Variants in MOBP observed in about 807,000 individuals in gnomAD.
MOBP encodes myelin-associated oligodendrocyte basic protein.
Under a neutral mutation model 15.0 loss-of-function variants are expected in MOBP, and 5 were observed. The ratio of observed to expected loss-of-function variants is 0.33; its 90% CI spans 0.17 to 0.70. The LOEUF is 0.70. Ranked by LOEUF, MOBP falls within the 30% of genes least tolerant of loss-of-function variation. The pLI, the probability that MOBP is intolerant of heterozygous loss-of-function variation, is 0.67. For synonymous variants in MOBP, 88 were observed against 99.0 expected, an observed-to-expected ratio of 0.89 and a Z score of 0.66; for missense variants, 188 against 257.8, an observed-to-expected ratio of 0.73 and a Z score of 1.85.
At chr3:39,513,338 C>G in intron 4 of MOBP, 1 of 1,549,902 alleles carries the variant, frequency 6.5e-7, no homozygotes, top group African/African-American at 1.4e-5. Flanking sequence ...GAGTATACAT[C>G]ACCTACCTAT....
chr3:39,492,490 T>C (rs1199341623), intron 2 of MOBP, among the ~76,000 whole-genome samples: 1 of 152,162 alleles, frequency 6.6e-6, no homozygotes, highest in Admixed American at 6.5e-5. Context: ...TTTTGGTTGC[T>C]CTCTTCTTTC....
chr3:39,515,099 C>T (rs777861868), exon 5 of MOBP: 5 of 152,278 alleles, frequency 3.3e-5, no homozygotes, highest in Non-Finnish European at 7.3e-5. Context: ...TTCTCCAAGT[C>T]CCTGAGGAGC....
In MOBP at chr3:39,480,028, C is replaced by A. The variant is rs1206893050; in HGVS notation, c.-88-12C>A. On this transcript the variant is annotated splice_polypyrimidine_tract_variant and intron_variant, in intron 1 of 3. Coordinates refer to ENST00000684792, the MANE Select transcript of MOBP (RefSeq NM_001393704.1). ...ATATTAACCAGAGCATATTCTACTG[C>A]TTCACTTTTAGGAAAAAAAAAAAAA... 1 of 131,582 alleles carries A rather than the reference C, an allele frequency of 7.6e-6. No individual in the cohort carries two copies. The highest frequency in any genetic ancestry group is 1.5e-5 in the Non-Finnish European group (1 of 65,828). The allele number at this position is 131,582 out of a possible 1,614,324, so 8.2% of individuals were successfully genotyped here.
intron 2 of MOBP, among the ~76,000 whole-genome samples, chr3:39,483,102 G>T (rs998666447): frequency 2.0e-5 from 3 of 152,178 alleles, no homozygotes; most frequent in Non-Finnish European, 4.4e-5. Flanking sequence ...CTTGTTTAAT[G>T]TGTGTCCTCC....
intron 1 of MOBP, among the ~76,000 whole-genome samples, chr3:39,479,190 A>G (rs535042109): frequency 2.0e-5 from 3 of 152,140 alleles, no homozygotes; most frequent in Non-Finnish European, 4.4e-5. Context: ...TCTGTCAAGC[A>G]GAGGGGAGAA....
intron 1 of MOBP, among the ~76,000 whole-genome samples, chr3:39,472,385 T>A (rs2042483525): frequency 6.6e-6 from 1 of 152,184 alleles, no homozygotes; most frequent in Admixed American, 6.5e-5. Context: ...TAGATTAACT[T>A]TTTTCTCCTA....
intron 2 of MOBP, among the ~76,000 whole-genome samples, chr3:39,493,332 G>T: frequency 6.6e-6 from 1 of 152,060 alleles, no homozygotes; most frequent in Middle Eastern, 3.2e-3. Flanking sequence ...AATGATTAAA[G>T]ATAGCAAATT....
intron 2 of MOBP, among the ~76,000 whole-genome samples, chr3:39,481,889 T>G (rs2042633352): frequency 6.6e-6 from 1 of 152,202 alleles, no homozygotes; most frequent in African/African-American, 2.4e-5. Context: ...TTCCCTTTGA[T>G]TCCTATGATG....
At chr3:39,480,250 G>C (rs971591705) in intron 2 of MOBP, 127 bp downstream of exon 2, 1 of 152,118 alleles carries the variant, frequency 6.6e-6, no homozygotes, top group Non-Finnish European at 1.5e-5. Context: ...TTTTCAGTAA[G>C]AGTTAAACAC....
chr3:39,508,019 A>C (rs2043068619), downstream of MOBP, among the ~76,000 whole-genome samples: 1 of 152,136 alleles, frequency 6.6e-6, no homozygotes, highest in African/African-American at 2.4e-5. Context: ...AACCCAGCTA[A>C]CTGGCTTCAC....
downstream of MOBP, among the ~76,000 whole-genome samples, chr3:39,519,420 A>C (rs2043239266): frequency 6.6e-6 from 1 of 152,038 alleles, no homozygotes; most frequent in South Asian, 2.1e-4. Flanking sequence ...AGCAGTTAAA[A>C]AATCATTTTC....
intron 1 of MOBP, among the ~76,000 whole-genome samples, chr3:39,471,503 G>A (rs1006293420): frequency 2.0e-5 from 3 of 152,180 alleles, no homozygotes; most frequent in Non-Finnish European, 4.4e-5. Flanking sequence ...AGGCACATCT[G>A]CTTTGGAGAC....
chr3:39,518,711 G>T (rs1288312707), downstream of MOBP, among the ~76,000 whole-genome samples: 2 of 152,196 alleles, frequency 1.3e-5, no homozygotes, highest in African/African-American at 4.8e-5. Flanking sequence ...ATCAAGGAGA[G>T]TTGGGCAGTC....
At chr3:39,492,238 A>G (rs1286676280) in intron 2 of MOBP, among the ~76,000 whole-genome samples, 7 of 152,198 alleles carry the variant, frequency 4.6e-5, no homozygotes, top group Admixed American at 1.3e-4. Context: ...TGTGTCATTC[A>G]TGCTAAAAGG....
At chr3:39,508,471 T>A (rs1165973243) in intron 4 of MOBP, among the ~76,000 whole-genome samples, 1 of 152,138 alleles carries the variant, frequency 6.6e-6, no homozygotes, top group East Asian at 1.9e-4. Context: ...AGATTCCATA[T>A]AAGTGGAATT....
intron 2 of MOBP, among the ~76,000 whole-genome samples, chr3:39,492,918 C>A (rs2042820832): frequency 6.6e-6 from 1 of 152,182 alleles, no homozygotes; most frequent in Non-Finnish European, 1.5e-5. Flanking sequence ...ATTCTGCTTT[C>A]AAAATATTGA....
chr3:39,485,780 C>A (rs571964678), intron 2 of MOBP, among the ~76,000 whole-genome samples: 93 of 152,296 alleles, frequency 6.1e-4, no homozygotes, highest in African/African-American at 2.2e-3. Context: ...TACCTGACGT[C>A]ATTTCCCCTG....
At chr3:39,488,055 C>G (rs1379607649) in intron 2 of MOBP, among the ~76,000 whole-genome samples, 1 of 152,034 alleles carries the variant, frequency 6.6e-6, no homozygotes. Context: ...AATTTTTTCT[C>G]AAAACAATCC....
exon 5 of MOBP, chr3:39,513,728 T>C: frequency 5.5e-6 from 2 of 361,548 alleles, no homozygotes; most frequent in Non-Finnish European, 9.9e-6. Flanking sequence ...CTCCAGGATA[T>C]GCACAGGCCT....
Sources: allele counts gnomAD v4.1 joint callset (sites outside exome capture counted in the v4.1 genomes callset), GRCh38; gene constraint gnomAD v4.1.1; transcripts MANE v1.5; gene names NCBI Gene and HGNC (gene_info 2026-07-23, HGNC 2026-07-21).